The following DNM3 variants were observed in gnomAD, a reference collection of about 807,000 sequenced individuals.
The protein encoded by DNM3 is dynamin 3.
Under a neutral mutation model 101.6 loss-of-function variants are expected in DNM3, and 47 were observed. The ratio of observed to expected loss-of-function variants is 0.46; its 90% CI spans 0.37 to 0.59. The LOEUF is 0.59. Among genes scored for constraint, DNM3 ranks in the 20% least tolerant of loss-of-function variants. The probability of loss-of-function intolerance (pLI) is 0.00; values close to 1 mark genes in which losing one functional copy is unlikely to be tolerated. For synonymous variants in DNM3, 385 were observed against 387.9 expected, an observed-to-expected ratio of 0.99 and a Z score of 0.09; for missense variants, 849 against 1,085.7, an observed-to-expected ratio of 0.78 and a Z score of 3.06.
chr1:172,148,061 G>C (rs1420423551), intron 14 of DNM3, among the ~76,000 whole-genome samples: 2 of 151,982 alleles, frequency 1.3e-5, no homozygotes, highest in African/African-American at 2.4e-5. Context: ...TCCACAAATG[G>C]AAAAACTCAG....
chr1:172,123,280 T>C (rs1425264169), intron 13 of DNM3, among the ~76,000 whole-genome samples: 1 of 152,206 alleles, frequency 6.6e-6, no homozygotes, highest in Non-Finnish European at 1.5e-5. Context: ...CCTTCATATA[T>C]ACTTCATCTT....
intron 4 of DNM3, among the ~76,000 whole-genome samples, chr1:172,009,343 T>C (rs1053447173): frequency 6.6e-6 from 1 of 150,830 alleles, no homozygotes; most frequent in African/African-American, 2.4e-5. Context: ...TTTAAAATAA[T>C]AGTTTATCTT....
At chr1:172,357,444 G>A (rs77488405) in intron 17 of DNM3, among the ~76,000 whole-genome samples, 5 of 152,046 alleles carry the variant, frequency 3.3e-5, no homozygotes, top group African/African-American at 4.8e-5. Flanking sequence ...TTTATGTGGC[G>A]TGTTTTTGCT....
At chr1:172,299,534 T>A (rs1284612182) in intron 15 of DNM3, among the ~76,000 whole-genome samples, 1 of 152,158 alleles carries the variant, frequency 6.6e-6, no homozygotes, top group African/African-American at 2.4e-5. Flanking sequence ...CCTTCCTCCC[T>A]TTTTCCTTCC....
intron 14 of DNM3, among the ~76,000 whole-genome samples, chr1:172,196,599 C>A (rs2059958283): frequency 6.6e-6 from 1 of 151,990 alleles, no homozygotes; most frequent in South Asian, 2.1e-4. Context: ...AATAGCCATG[C>A]TGACTGGCAT....
chr1:171,940,598 G>C (rs2041747369), intron 2 of DNM3, among the ~76,000 whole-genome samples: 1 of 152,134 alleles, frequency 6.6e-6, no homozygotes, highest in African/African-American at 2.4e-5. Flanking sequence ...ACTATAAAAA[G>C]TTGGACTTAG....
intron 12 of DNM3, among the ~76,000 whole-genome samples, chr1:172,082,406 C>A (rs1215162708): frequency 6.7e-6 from 1 of 150,118 alleles, no homozygotes; most frequent in African/African-American, 2.5e-5. Flanking sequence ...AGTGTGTATA[C>A]AAATATTGCC....
chr1:172,101,008 G>A (rs2054603394), intron 13 of DNM3, among the ~76,000 whole-genome samples: 1 of 152,216 alleles, frequency 6.6e-6, no homozygotes, highest in Admixed American at 6.5e-5. Context: ...TGTGGCCAGA[G>A]AATGAGGTAT....
chr1:172,190,373 T>A lies in DNM3; in HGVS notation c.1659+59085T>A, dbSNP rs182562095. On this transcript the variant is annotated intron_variant, in intron 14 of 20. Transcript: ENST00000627582. ...TTTTTTATGGCTGCATAGTATTCCA[T>A]GGTGTATATGTGACACATTTTCTTA... Among the ~76,000 whole-genome samples, 8 of 152,296 alleles carry A rather than the reference T, an allele frequency of 5.3e-5. No individual in the cohort carries two copies. In the East Asian group the frequency reaches 1.5e-3, roughly 29 times the overall value.
intron 15 of DNM3, among the ~76,000 whole-genome samples, chr1:172,298,996 A>C (rs1446301257): frequency 6.6e-6 from 1 of 152,126 alleles, no homozygotes; most frequent in African/African-American, 2.4e-5. Flanking sequence ...AGAAAGGGGA[A>C]AAATGTATGA....
intron 14 of DNM3, among the ~76,000 whole-genome samples, chr1:172,230,634 A>G (rs958265461): frequency 2.0e-5 from 3 of 152,106 alleles, no homozygotes; most frequent in African/African-American, 4.8e-5. Context: ...TTCTTTTTTT[A>G]TTACAGCTTG....
chr1:172,343,095 T>C (rs2148963330), intron 17 of DNM3, among the ~76,000 whole-genome samples: 1 of 152,320 alleles, frequency 6.6e-6, no homozygotes, highest in South Asian at 2.1e-4. Flanking sequence ...ATGTATACAT[T>C]AACCTCTAAG....
chr1:171,918,785 G>A (rs1360578597), intron 1 of DNM3, among the ~76,000 whole-genome samples: 16 of 152,106 alleles, frequency 1.1e-4, no homozygotes, highest in Non-Finnish European at 7.4e-5. Flanking sequence ...AATGTTAGAT[G>A]TATCTGTGTA....
intron 1 of DNM3, among the ~76,000 whole-genome samples, chr1:171,859,260 C>G (rs2033931831): frequency 6.6e-6 from 1 of 152,126 alleles, no homozygotes; most frequent in South Asian, 2.1e-4. Context: ...ATTTGGGTCT[C>G]CTTTCCTCTG....
Position 172,209,778 on chromosome 1 carries a change from C to A in DNM3, c.1660-43795C>A, listed in dbSNP as rs57356053. Among the ~76,000 whole-genome samples, 1,008 of 152,062 alleles carry A rather than the reference C, an allele frequency of 6.6e-3. 14 individuals are homozygous for A. The highest frequency in any genetic ancestry group is 0.023 in the African/African-American group (945 of 41,496). ...ATTTTTCAGTCTAATATTTCCCAGG[C>A]CATTTTTTTCCTCATCTGGAAAATG... On this transcript the variant is annotated intron_variant, in intron 14 of 20. Coordinates refer to ENST00000627582, the MANE Select transcript of DNM3 (RefSeq NM_015569.5).
chr1:172,394,900 T>C (rs1295153018), intron 20 of DNM3, among the ~76,000 whole-genome samples: 1 of 152,214 alleles, frequency 6.6e-6, no homozygotes, highest in Non-Finnish European at 1.5e-5. Flanking sequence ...TTGCCCAGTG[T>C]AAGCAGATAC....
intron 12 of DNM3, among the ~76,000 whole-genome samples, chr1:172,089,954 A>G (rs1055063698): frequency 7.2e-5 from 11 of 152,206 alleles, no homozygotes; most frequent in African/African-American, 2.7e-4. Flanking sequence ...ACATATACAC[A>G]TTTTATAGCT....
chr1:172,407,804 C>G lies in DNM3; in HGVS notation c.2555C>G (p.Thr852Ser). Residue 852 changes from threonine (T) to serine (S), a missense_variant, in exon 21 of 21, where the codon ACT becomes AGT. This residue lies in a region of DNM3 where 256 missense variants were observed against 311.7 expected (regional missense o/e 0.82). Coordinates refer to ENST00000627582, the MANE Select transcript of DNM3 (RefSeq NM_015569.5). ...RRPPPSPTRP[T>S]IIRPLESSLL... ...CCACCCCCATCACCAACTCGTCCCA[C>G]TATAATCCGCCCACTAGAATCCTCC... 6.2e-7 allele frequency: 1 copy of G among 1,613,360 alleles called. No individual in the cohort carries two copies. Among genetic ancestry groups the G allele is most frequent in the Non-Finnish European group, 8.5e-7 (1 of 1,179,388 alleles).
In DNM3 at chr1:172,095,335, GT is replaced by G. The variant is rs2054174865; in HGVS notation, c.1545+2464del. On this transcript the variant is annotated intron_variant, in intron 13 of 20. Coordinates refer to ENST00000627582, the MANE Select transcript of DNM3 (RefSeq NM_015569.5). Reference sequence around the variant, plus strand: ...GATAAATCCTCTCACATCAGATCAGGTTTTGCTGCCAAATTTGCTAAGAAAA... The same window carrying G: ...GATAAATCCTCTCACATCAGATCAGGTTTGCTGCCAAATTTGCTAAGAAAA... Among the ~76,000 whole-genome samples, 9 of 152,192 alleles carry G rather than the reference GT, an allele frequency of 5.9e-5. No individual in the cohort carries two copies. In the South Asian group the frequency reaches 1.7e-3, roughly 28 times the overall value.
Sources: gnomAD v4.1 joint callset for allele counts (sites outside exome capture counted in the v4.1 genomes callset) on GRCh38, gnomAD v4.1.1 for gene constraint, gnomAD v4.1.1 regional missense constraint, MANE v1.5 for transcripts, NCBI Gene and HGNC (gene_info 2026-07-23, HGNC 2026-07-21) for gene names.